The following ZFYVE1 variants were observed in gnomAD, a reference collection of about 807,000 sequenced individuals.
ZFYVE1 encodes the protein zinc finger FYVE domain-containing protein 1.
Under a neutral mutation model 74.4 loss-of-function variants are expected in ZFYVE1, and 30 were observed. The ratio of observed to expected loss-of-function variants is 0.40; its 90% CI spans 0.30 to 0.55. The LOEUF (loss-of-function observed/expected upper bound fraction) is 0.55, where lower values mean the gene tolerates loss of function less well. Among genes scored for constraint, ZFYVE1 ranks in the 20% least tolerant of loss-of-function variants. ZFYVE1 has a pLI of 0.42. For missense variants in ZFYVE1, 703 were observed against 1,011.6 expected, an observed-to-expected ratio of 0.69 and a Z score of 4.14; for synonymous variants, 335 against 385.1, an observed-to-expected ratio of 0.87 and a Z score of 1.52.
intron 4 of ZFYVE1, among the ~76,000 whole-genome samples, chr14:72,985,067 AACT>A (rs1298392949): frequency 6.6e-6 from 1 of 152,208 alleles, no homozygotes; most frequent in Non-Finnish European, 1.5e-5. Context: ...ATTTAAGGCT[AACT>A]ACTCCCTAAC....
chr14:72,976,157 T>TAGC (rs1298724485), intron 8 of ZFYVE1, among the ~76,000 whole-genome samples: 2 of 152,156 alleles, frequency 1.3e-5, no homozygotes, highest in East Asian at 3.9e-4. Flanking sequence ...GTAAAGTAAC[T>TAGC]AGCTCAGTGC....
chr14:73,026,853 G>C, intron 1 of ZFYVE1, 73 bp downstream of exon 1: 1 of 128,854 alleles, frequency 7.8e-6, no homozygotes, highest in Non-Finnish European at 1.6e-5. Flanking sequence ...CTGAGCCCCA[G>C]GACGATCACT....
chr14:72,992,228 A>G (rs1320481160), intron 4 of ZFYVE1, among the ~76,000 whole-genome samples: 2 of 152,134 alleles, frequency 1.3e-5, no homozygotes, highest in African/African-American at 4.8e-5. Context: ...CCTCTTAAAG[A>G]AAGAAAAAAC....
intron 4 of ZFYVE1, among the ~76,000 whole-genome samples, chr14:72,987,511 T>A (rs1200512999): frequency 6.6e-6 from 1 of 152,002 alleles, no homozygotes; most frequent in Non-Finnish European, 1.5e-5. Flanking sequence ...GAGGTTGCAA[T>A]GAGTCTAGAT....
chr14:73,023,014 T>C (rs1894349886), intron 2 of ZFYVE1, among the ~76,000 whole-genome samples: 1 of 151,354 alleles, frequency 6.6e-6, no homozygotes. Flanking sequence ...AATTCTAAAT[T>C]ACCAGGCGTG....
At chr14:73,015,232 G>GGAAA (rs1894165616) in intron 2 of ZFYVE1, among the ~76,000 whole-genome samples, 1 of 6,742 alleles carries the variant, frequency 1.5e-4, no homozygotes, top group Non-Finnish European at 3.3e-4. Flanking sequence ...TCCATCTGAA[G>GGAAA]GAAGGAAGGA....
intron 2 of ZFYVE1, among the ~76,000 whole-genome samples, chr14:73,005,018 TA>T (rs1467656193): frequency 2.7e-5 from 4 of 149,168 alleles, no homozygotes; most frequent in Non-Finnish European, 5.9e-5. Context: ...AAGGAGGCTA[TA>T]ACCATCTTTG....
intron 2 of ZFYVE1, among the ~76,000 whole-genome samples, chr14:73,013,772 T>A (rs1297583504): frequency 6.8e-6 from 1 of 147,646 alleles, no homozygotes; most frequent in Admixed American, 6.8e-5. Flanking sequence ...TTCTTCATGG[T>A]CTCCCCACAT....
intron 2 of ZFYVE1, among the ~76,000 whole-genome samples, chr14:73,011,331 C>CA (rs1291601180): frequency 7.3e-5 from 11 of 151,556 alleles, no homozygotes; most frequent in African/African-American, 1.7e-4. Context: ...ACTAACAATA[C>CA]AAAAAATTAA....
At chr14:73,023,173 T>A (rs750598736) in intron 2 of ZFYVE1, among the ~76,000 whole-genome samples, 58,550 of 116,474 alleles carry the variant, frequency 0.5, 15,909 homozygotes, top group African/African-American at 0.65. Context: ...AAAATATATA[T>A]ATATATATAT....
intron 2 of ZFYVE1, among the ~76,000 whole-genome samples, chr14:73,001,672 T>A (rs1335429233): frequency 5.3e-5 from 8 of 152,010 alleles, no homozygotes; most frequent in Admixed American, 2.6e-4. Flanking sequence ...TGCAAATATT[T>A]TCCCTAGAGA....
chr14:72,993,492 CAGG>C (rs1893672526), intron 3 of ZFYVE1, 135 bp from the exon 4 acceptor site: 5 of 683,094 alleles, frequency 7.3e-6, no homozygotes, highest in Non-Finnish European at 1.2e-5. Context: ...CACCCGAGGT[CAGG>C]AGTTCAGCCT....
chr14:73,013,472 G>A (rs1894129619), intron 2 of ZFYVE1, among the ~76,000 whole-genome samples: 1 of 152,124 alleles, frequency 6.6e-6, no homozygotes, highest in Non-Finnish European at 1.5e-5. Flanking sequence ...GCCGGGCATG[G>A]TGGCAGGTGC....
chr14:73,010,768 T>TA (rs35771113), intron 2 of ZFYVE1, among the ~76,000 whole-genome samples: 990 of 58,482 alleles, frequency 0.017, 26 homozygotes, highest in African/African-American at 0.049. Flanking sequence ...AGACTCCATC[T>TA]AAAAAAAAAA....
chr14:73,004,424 C>T (rs371977624), intron 2 of ZFYVE1, among the ~76,000 whole-genome samples: 148 of 152,094 alleles, frequency 9.7e-4, no homozygotes, highest in African/African-American at 1.2e-3. Context: ...AATTGAATGT[C>T]TCGGGATTCA....
chr14:72,993,041 C>G (rs1441679243), intron 4 of ZFYVE1, 102 bp downstream of exon 4: 1 of 1,189,518 alleles, frequency 8.4e-7, no homozygotes, highest in East Asian at 2.5e-5. Context: ...CCTCTTTCCA[C>G]CCAGATTTCC....
intron 3 of ZFYVE1, among the ~76,000 whole-genome samples, chr14:72,996,331 T>G (rs556333330): frequency 2.0e-4 from 31 of 152,338 alleles, no homozygotes; most frequent in African/African-American, 7.2e-4. Flanking sequence ...ACATGGAGAA[T>G]GCATTGAAGG....
Position 73,024,613 on chromosome 14 carries a change from G to A in ZFYVE1, c.-105C>T. The A allele has an allele frequency of 6.9e-7, 1 of 1,445,546 alleles. No individual in the cohort carries two copies. The highest frequency in any genetic ancestry group is 1.4e-5 in the African/African-American group (1 of 70,292). The allele number at this position is 1,445,546 out of a possible 1,614,324, so 89.5% of individuals were successfully genotyped here. A position where few individuals can be genotyped will look rare whatever the true frequency, so the allele number is the denominator to read the frequency against. On this transcript the variant is annotated 5_prime_UTR_variant, in exon 2 of 12. Transcript: ENST00000556143. Reference sequence around the variant, plus strand: ...TGAAGACTGCACGAAACTTCCACAGGGTTCTGAACACTTTAAAAAAGAACA... The same window carrying A: ...TGAAGACTGCACGAAACTTCCACAGAGTTCTGAACACTTTAAAAAAGAACA...
rs1391109021 is a variant in ZFYVE1 at position 73,024,754 on chromosome 14, TA to T, written c.-247del. The T allele has an allele frequency of 2.1e-6, 1 of 484,506 alleles. No homozygotes were observed. Among genetic ancestry groups the T allele is most frequent in the African/African-American group, 2.0e-5 (1 of 50,962 alleles). 30.0% of individuals were successfully genotyped at this position (484,506 alleles called of 1,614,324 possible). On this transcript the variant is annotated 5_prime_UTR_variant, in exon 2 of 12. Coordinates refer to ENST00000556143, the MANE Select transcript of ZFYVE1 (RefSeq NM_021260.4). ...TTTGGTTTGATGGTTTCATCCTCCA[TA>T]AAGTGCAAGCAAAGATGTGGTCAAA...
Sources: gnomAD v4.1 joint callset for allele counts (sites outside exome capture counted in the v4.1 genomes callset) on GRCh38, gnomAD v4.1.1 for gene constraint, MANE v1.5 for transcripts, NCBI Gene and HGNC (gene_info 2026-07-23, HGNC 2026-07-21) for gene names.